The following NRARP variants were observed in gnomAD, a reference collection of about 807,000 sequenced individuals.
NRARP encodes notch-regulated ankyrin repeat-containing protein.
For missense variants in NRARP, 83 were observed against 161.1 expected (o/e 0.52, Z 2.62); for synonymous variants, 81 against 77.4 (o/e 1.05, Z -0.25).
Position 137,299,935 on chromosome 9 carries a change from TCACA to T in NRARP, c.*1645_*1648del, listed in dbSNP as rs1163400305. Reference sequence around the variant, plus strand: ...CACTGACATTATCAATATATTCTTCTCACACAAAGTTTTATAAAAAGCGACGGAG... The same window carrying T: ...CACTGACATTATCAATATATTCTTCTCAAAGTTTTATAAAAAGCGACGGAG... On this transcript the variant is annotated 3_prime_UTR_variant, in exon 1 of 1. Transcript: ENST00000356628. Among the ~76,000 whole-genome samples, 3 of 152,146 alleles carry T rather than the reference TCACA, an allele frequency of 2.0e-5. No individual in the cohort carries two copies. Among genetic ancestry groups the T allele is most frequent in the East Asian group, 1.9e-4 (1 of 5,196 alleles).
rs538609662 is a variant in NRARP, at chr9:137,301,416, G to A, written c.*168C>T. The stretch of plus-strand genomic sequence containing the variant: ...CCGGCTAGGCCGCAGGGAGGCGCTC[G>A]GCCGGCGGGGCTGCCGGACCCTGGG... On this transcript the variant is annotated 3_prime_UTR_variant, in exon 1 of 1. Coordinates refer to ENST00000356628, the MANE Select transcript of NRARP (RefSeq NM_001004354.3). This position sits in a 1 kb window ranked among gnomAD's most constrained non-coding sequence, Gnocchi z 9.1. 8,842 of 377,002 alleles carry A rather than the reference G, an allele frequency of 0.023. 137 individuals are homozygous for A. Among genetic ancestry groups the A allele is most frequent in the Non-Finnish European group, 0.031 (6,699 of 217,956 alleles). The allele number at this position is 377,002 out of a possible 1,614,324, so 23.4% of individuals were successfully genotyped here. A position where few individuals can be genotyped will look rare whatever the true frequency, so the allele number is the denominator to read the frequency against.
rs1483306271 is a variant in NRARP at position 137,299,858 on chromosome 9, G to A, written c.*1726C>T. On this transcript the variant is annotated 3_prime_UTR_variant, in exon 1 of 1. Coordinates refer to ENST00000356628, the MANE Select transcript of NRARP (RefSeq NM_001004354.3). ...TATTTGCATCTAGAAAAAATATACA[G>A]AAGAACTCCTTGTGGAGTAATCTGT... Among the ~76,000 whole-genome samples, 1 of 152,140 alleles carries A rather than the reference G, an allele frequency of 6.6e-6. No individual in the cohort carries two copies. The highest frequency in any genetic ancestry group is 1.5e-5 in the Non-Finnish European group (1 of 68,020).
Position 137,300,102 on chromosome 9 carries a change from C to A in NRARP, c.*1482G>T, listed in dbSNP as rs1830933246. ...ATTTAAATTTGAATAATTCAGCCTCCCTTTTATTTCTCAGGATCAAAACAA... is the reference window on the plus strand; with the variant it reads ...ATTTAAATTTGAATAATTCAGCCTCACTTTTATTTCTCAGGATCAAAACAA... On this transcript the variant is annotated 3_prime_UTR_variant, in exon 1 of 1. Coordinates refer to ENST00000356628, the MANE Select transcript of NRARP (RefSeq NM_001004354.3). 6.6e-6 allele frequency among the ~76,000 whole-genome samples: 1 copy of A among 152,120 alleles called. No homozygotes were observed. Among genetic ancestry groups the A allele is most frequent in the South Asian group, 2.1e-4 (1 of 4,826 alleles).
At position 137,301,497 on chromosome 9, in the gene NRARP, G is replaced by T; in HGVS notation, c.*87C>A. ...CCACGGGCCTTCTGGCGGGGCCTGC[G>T]AGCCGGGCGCGCACCGAGGTAGTTG... is the stretch of plus-strand genomic sequence containing the variant. On this transcript the variant is annotated 3_prime_UTR_variant, in exon 1 of 1. Coordinates refer to ENST00000356628, the MANE Select transcript of NRARP (RefSeq NM_001004354.3). This position sits in a 1 kb window ranked among gnomAD's most constrained non-coding sequence, Gnocchi z 9.1. 2 of 917,442 alleles carry T rather than the reference G, an allele frequency of 2.2e-6. No homozygotes were observed. The highest frequency in any genetic ancestry group is 3.1e-6 in the Non-Finnish European group (2 of 648,594). The allele number at this position is 917,442 out of a possible 1,614,324, so 56.8% of individuals were successfully genotyped here. A position where few individuals can be genotyped will look rare whatever the true frequency, so the allele number is the denominator to read the frequency against.
rs1392689725 is a variant in NRARP at position 137,300,187 on chromosome 9, A to G, written c.*1397T>C. Among the ~76,000 whole-genome samples the G allele has an allele frequency of 6.6e-6, 1 of 152,212 alleles. No individual in the cohort carries two copies. The highest frequency in any genetic ancestry group is 6.5e-5 in the Admixed American group (1 of 15,276). On this transcript the variant is annotated 3_prime_UTR_variant, in exon 1 of 1. Coordinates refer to ENST00000356628, the MANE Select transcript of NRARP (RefSeq NM_001004354.3). The stretch of plus-strand genomic sequence containing the variant: ...ACAGAAACCAGGAAGGGCGCCTTTC[A>G]GGACAGAAAGTGACGCAGGAGAACC...
Position 137,300,828 on chromosome 9 carries a change from G to A in NRARP, c.*756C>T, listed in dbSNP as rs1161492618. On this transcript the variant is annotated 3_prime_UTR_variant, in exon 1 of 1. Transcript: ENST00000356628. Reference sequence around the variant, plus strand: ...GAGGTAGACGCGGGGAGAAGGGAAGGGGGAGGGACAGCACGGGAACACCAT... The same window carrying A: ...GAGGTAGACGCGGGGAGAAGGGAAGAGGGAGGGACAGCACGGGAACACCAT... 1.3e-5 allele frequency: 2 copies of A among 152,254 alleles called. No individual in the cohort carries two copies. The highest frequency in any genetic ancestry group is 4.2e-4 in the South Asian group (2 of 4,816). The allele number at this position is 152,254 out of a possible 1,614,324, so 9.4% of individuals were successfully genotyped here. A position where few individuals can be genotyped will look rare whatever the true frequency, so the allele number is the denominator to read the frequency against.
rs1357343142 is a variant in NRARP at position 137,302,144 on chromosome 9, G to C, written c.-216C>G. On this transcript the variant is annotated 5_prime_UTR_variant, in exon 1 of 1. Coordinates refer to ENST00000356628, the MANE Select transcript of NRARP (RefSeq NM_001004354.3). This position sits in a 1 kb window ranked among gnomAD's most constrained non-coding sequence, Gnocchi z 4.8. ...CCAGCCGCGCCCGGGTGGGCGACGGGGGCGCGCGCTCGGCTCGCGGGGGCC... is the reference window on the plus strand; with the variant it reads ...CCAGCCGCGCCCGGGTGGGCGACGGCGGCGCGCGCTCGGCTCGCGGGGGCC... 6.9e-6 allele frequency: 1 copy of C among 145,504 alleles called. No homozygotes were observed. The highest frequency in any genetic ancestry group is 1.5e-5 in the Non-Finnish European group (1 of 65,566). The allele number at this position is 145,504 out of a possible 1,614,324, so 9.0% of individuals were successfully genotyped here. A position where few individuals can be genotyped will look rare whatever the true frequency, so the allele number is the denominator to read the frequency against.
rs532126835 is a variant in NRARP, at chr9:137,300,586, C to T, written c.*998G>A. On this transcript the variant is annotated 3_prime_UTR_variant, in exon 1 of 1. Coordinates refer to ENST00000356628, the MANE Select transcript of NRARP (RefSeq NM_001004354.3). ...TGCAACCGTTAACTATGATAGAACG[C>T]ACTAGAAAAGGTAACGAACCTTCAC... 4.7e-4 allele frequency: 71 copies of T among 152,404 alleles called. No individual in the cohort carries two copies. Among genetic ancestry groups the T allele is most frequent in the African/African-American group, 1.7e-3 (69 of 41,510 alleles). 9.4% of individuals were successfully genotyped at this position (152,404 alleles called of 1,614,324 possible).
In NRARP at chr9:137,299,809, CATTA is replaced by C. The variant is rs1174582142; in HGVS notation, c.*1771_*1774del. On this transcript the variant is annotated 3_prime_UTR_variant, in exon 1 of 1. Transcript: ENST00000356628. The stretch of plus-strand genomic sequence containing the variant: ...TCGATATAAGCCTAGAAAGTCTTAA[CATTA>C]ATTAACATAATTAAAAAGGTATTTG... Among the ~76,000 whole-genome samples, 5 of 152,156 alleles carry C rather than the reference CATTA, an allele frequency of 3.3e-5. No individual in the cohort carries two copies. The highest frequency in any genetic ancestry group is 2.1e-4 in the South Asian group (1 of 4,832).
chr9:137,301,820 T>C lies in NRARP; in HGVS notation c.109A>G (p.Met37Val). Reference protein sequence around the residue: ...TQELQSLLQNMTNCEFNVNSF... With the variant: ...TQELQSLLQNVTNCEFNVNSF... ...TTCACGTTGAACTCGCAGTTGGTCA[T>C]GTTCTGCAGCAGCGACTGCAGCTCC... The change falls in exon 1 of 1, where the codon ATG becomes GTG. Residue 37 changes from methionine to valine, a missense_variant. By Grantham distance (21) the Met-to-Val change is conservative (BLOSUM62 1). Coordinates refer to ENST00000356628, the MANE Select transcript of NRARP (RefSeq NM_001004354.3). The surrounding 1 kb of genome is among the most constrained non-coding windows in gnomAD (Gnocchi z 9.1). 3.7e-6 allele frequency: 6 copies of C among 1,604,512 alleles called. No individual in the cohort carries two copies. Among genetic ancestry groups the C allele is most frequent in the Non-Finnish European group, 5.1e-6 (6 of 1,179,300 alleles).
chr9:137,301,408 A>T lies in NRARP; in HGVS notation c.*176T>A. On this transcript the variant is annotated 3_prime_UTR_variant, in exon 1 of 1. Transcript: ENST00000356628. The surrounding 1 kb of genome is among the most constrained non-coding windows in gnomAD (Gnocchi z 9.1). ...GGCCGGGCCCGGCTAGGCCGCAGGG[A>T]GGCGCTCGGCCGGCGGGGCTGCCGG... The T allele has an allele frequency of 2.9e-6, 1 of 346,594 alleles. No individual in the cohort carries two copies. The highest frequency in any genetic ancestry group is 1.0e-4 in the South Asian group (1 of 9,856). The allele number at this position is 346,594 out of a possible 1,614,324, so 21.5% of individuals were successfully genotyped here.
In NRARP at chr9:137,299,931, C is replaced by T. The variant is rs1470365102; in HGVS notation, c.*1653G>A. Among the ~76,000 whole-genome samples the T allele has an allele frequency of 3.3e-5, 5 of 152,152 alleles. No homozygotes were observed. The highest frequency in any genetic ancestry group is 6.6e-5 in the Admixed American group (1 of 15,264). ...GTTTCACTGACATTATCAATATATTCTTCTCACACAAAGTTTTATAAAAAG... is the reference window on the plus strand; with the variant it reads ...GTTTCACTGACATTATCAATATATTTTTCTCACACAAAGTTTTATAAAAAG... On this transcript the variant is annotated 3_prime_UTR_variant, in exon 1 of 1. Transcript: ENST00000356628.
In NRARP at chr9:137,301,404, A is replaced by T; in HGVS notation, c.*180T>A. On this transcript the variant is annotated 3_prime_UTR_variant, in exon 1 of 1. Transcript: ENST00000356628. This position sits in a 1 kb window ranked among gnomAD's most constrained non-coding sequence, Gnocchi z 9.1. ...GCCCGGCCGGGCCCGGCTAGGCCGC[A>T]GGGAGGCGCTCGGCCGGCGGGGCTG... 6.0e-6 allele frequency: 2 copies of T among 332,632 alleles called. No individual in the cohort carries two copies. The highest frequency in any genetic ancestry group is 1.1e-5 in the Non-Finnish European group (2 of 186,710). 20.6% of individuals were successfully genotyped at this position (332,632 alleles called of 1,614,324 possible). A position where few individuals can be genotyped will look rare whatever the true frequency, so the allele number is the denominator to read the frequency against.
rs1564453682 is a variant in NRARP at position 137,301,908 on chromosome 9, G to GGAC, written c.18_20dup (p.Ser7dup). 1 of 1,541,572 alleles carries GGAC rather than the reference G, an allele frequency of 6.5e-7. No homozygotes were observed. The highest frequency in any genetic ancestry group is 1.2e-5 in the South Asian group (1 of 86,024). ...GCTGCGTCTGCGGCGCGGAGCAGGTGGACAGCTCGGCCTGGCTCATGCTGC... is the reference window on the plus strand; with the variant it reads ...GCTGCGTCTGCGGCGCGGAGCAGGTGGACGACAGCTCGGCCTGGCTCATGCTGC... On this transcript the variant is annotated inframe_insertion, in exon 1 of 1. Transcript: ENST00000356628. This position sits in a 1 kb window ranked among gnomAD's most constrained non-coding sequence, Gnocchi z 9.1.
Position 137,300,648 on chromosome 9 carries a change from C to A in NRARP, c.*936G>T, listed in dbSNP as rs1220811621. ...TGTCCCCGCCACCCTCGAGCGCCAG[C>A]GAGCTTCCAGGATCCTGGGGAAACT... is the stretch of plus-strand genomic sequence containing the variant. On this transcript the variant is annotated 3_prime_UTR_variant, in exon 1 of 1. Coordinates refer to ENST00000356628, the MANE Select transcript of NRARP (RefSeq NM_001004354.3). 1 of 152,116 alleles carries A rather than the reference C, an allele frequency of 6.6e-6. No homozygotes were observed. Among genetic ancestry groups the A allele is most frequent in the Non-Finnish European group, 1.5e-5 (1 of 68,020 alleles). 9.4% of individuals were successfully genotyped at this position (152,116 alleles called of 1,614,324 possible). A position where few individuals can be genotyped will look rare whatever the true frequency, so the allele number is the denominator to read the frequency against.
Position 137,301,484 on chromosome 9 carries a change from T to C in NRARP, c.*100A>G. 2.5e-6 allele frequency: 2 copies of C among 790,866 alleles called. No homozygotes were observed. The highest frequency in any genetic ancestry group is 3.7e-6 in the Non-Finnish European group (2 of 539,090). The allele number at this position is 790,866 out of a possible 1,614,324, so 49.0% of individuals were successfully genotyped here. ...GTATTCGCCGTGGCCACGGGCCTTCTGGCGGGGCCTGCGAGCCGGGCGCGC... is the reference window on the plus strand; with the variant it reads ...GTATTCGCCGTGGCCACGGGCCTTCCGGCGGGGCCTGCGAGCCGGGCGCGC... On this transcript the variant is annotated 3_prime_UTR_variant, in exon 1 of 1. Transcript: ENST00000356628. The surrounding 1 kb of genome is among the most constrained non-coding windows in gnomAD (Gnocchi z 9.1).
In NRARP at chr9:137,299,854, T is replaced by C. The variant is rs1231841191; in HGVS notation, c.*1730A>G. 6.6e-6 allele frequency among the ~76,000 whole-genome samples: 1 copy of C among 152,200 alleles called. No individual in the cohort carries two copies. Among genetic ancestry groups the C allele is most frequent in the East Asian group, 1.9e-4 (1 of 5,200 alleles). ...AAGGTATTTGCATCTAGAAAAAATATACAGAAGAACTCCTTGTGGAGTAAT... is the reference window on the plus strand; with the variant it reads ...AAGGTATTTGCATCTAGAAAAAATACACAGAAGAACTCCTTGTGGAGTAAT... On this transcript the variant is annotated 3_prime_UTR_variant, in exon 1 of 1. Transcript: ENST00000356628.
In NRARP at chr9:137,302,237, C is replaced by G. The variant is rs1019389271; in HGVS notation, c.-309G>C. ...ACTCGGTTCGGCTGCGGCTCCCACG[C>G]GGTCCCAAGGCGCCTCCCCACGCGC... On this transcript the variant is annotated 5_prime_UTR_variant, in exon 1 of 1. Transcript: ENST00000356628. This position sits in a 1 kb window ranked among gnomAD's most constrained non-coding sequence, Gnocchi z 4.8. The G allele has an allele frequency of 3.4e-5, 5 of 146,536 alleles. No individual in the cohort carries two copies. Among genetic ancestry groups the G allele is most frequent in the African/African-American group, 7.3e-5 (3 of 40,856 alleles). 9.1% of individuals were successfully genotyped at this position (146,536 alleles called of 1,614,324 possible).
At position 137,301,770 on chromosome 9, in the gene NRARP, C is replaced by T. The variant is rs1158349443; in HGVS notation, c.159G>A (p.Thr53=). 4 of 1,610,150 alleles carry T rather than the reference C, an allele frequency of 2.5e-6. No homozygotes were observed. The highest frequency in any genetic ancestry group is 1.1e-5 in the South Asian group (1 of 91,050). Residue 53 remains threonine, a synonymous_variant, in exon 1 of 1, where the codon ACG becomes ACA. Transcript: ENST00000356628. This position sits in a 1 kb window ranked among gnomAD's most constrained non-coding sequence, Gnocchi z 9.1. ...NVNSFGPEGQ[T]ALHQSVIDGN... is the part of the protein sequence containing the mutation. Reference sequence around the variant, plus strand: ...CGTCGATGACCGACTGGTGCAGCGCCGTCTGGCCCTCGGGCCCGAACGAGT... The same window carrying T: ...CGTCGATGACCGACTGGTGCAGCGCTGTCTGGCCCTCGGGCCCGAACGAGT...
Sources: allele counts gnomAD v4.1 joint callset (sites outside exome capture counted in the v4.1 genomes callset), GRCh38; gene constraint gnomAD v4.1.1; non-coding constraint Gnocchi (gnomAD v3.1); transcripts MANE v1.5; gene names NCBI Gene and HGNC (gene_info 2026-07-23, HGNC 2026-07-21).